ASAP1: variants seen among roughly 807,000 people sequenced by gnomAD.
The protein encoded by ASAP1 is ArfGAP with SH3 domain, ankyrin repeat and PH domain 1.
A neutral mutation model predicts 145.2 loss-of-function variants in ASAP1; 43 were observed. The ratio of observed to expected loss-of-function variants is 0.30; its 90% CI spans 0.23 to 0.38. The LOEUF (loss-of-function observed/expected upper bound fraction) is 0.38, where lower values mean the gene tolerates loss of function less well. Ranked by LOEUF, ASAP1 falls within the 10% of genes least tolerant of loss-of-function variation. The pLI, the probability that ASAP1 is intolerant of heterozygous loss-of-function variation, is 1.00. For missense variants in ASAP1, 1,018 were observed against 1,355.3 expected (o/e 0.75, Z 3.91); for synonymous variants, 546 against 515.5 (o/e 1.06, Z -0.80).
At chr8:130,272,182 A>C (rs1162927939) in intron 3 of ASAP1, among the ~76,000 whole-genome samples, 1 of 151,994 alleles carries the variant, frequency 6.6e-6, no homozygotes, top group Non-Finnish European at 1.5e-5. Flanking sequence ...AAAACAAAAA[A>C]TGGGCAAAGG....
chr8:130,428,937 T>C (rs1000234051), intron 1 of ASAP1, among the ~76,000 whole-genome samples: 1 of 152,198 alleles, frequency 6.6e-6, no homozygotes, highest in Non-Finnish European at 1.5e-5. Context: ...AATCAATATA[T>C]CAGCAGGGCC....
At chr8:130,263,946 A>C (rs1387996656) in intron 3 of ASAP1, among the ~76,000 whole-genome samples, 1 of 151,950 alleles carries the variant, frequency 6.6e-6, no homozygotes, top group Non-Finnish European at 1.5e-5. Flanking sequence ...TGACTCACAC[A>C]CATTCTTCTT....
chr8:130,092,495 T>C (rs1388699999), intron 24 of ASAP1, among the ~76,000 whole-genome samples: 1 of 152,044 alleles, frequency 6.6e-6, no homozygotes, highest in East Asian at 1.9e-4. Context: ...GGTGTGGTGG[T>C]GTGTGCTTGT....
intron 3 of ASAP1, among the ~76,000 whole-genome samples, chr8:130,268,974 G>A (rs1036575850): frequency 1.3e-5 from 2 of 152,126 alleles, no homozygotes; most frequent in African/African-American, 2.4e-5. Context: ...GGGTGGAGAA[G>A]GAACAGTCAA....
chr8:130,136,897 T>C (rs1390106183), intron 14 of ASAP1, 54 bp downstream of exon 14: 2 of 1,429,476 alleles, frequency 1.4e-6, no homozygotes, highest in Non-Finnish European at 2.0e-6. Context: ...AGAATGGAAA[T>C]GTGCAGGTGT....
Position 130,358,010 on chromosome 8 carries a change from G to T in ASAP1, c.186+7C>A. 2 of 1,602,812 alleles carry T rather than the reference G, an allele frequency of 1.2e-6. No homozygotes were observed. Among genetic ancestry groups the T allele is most frequent in the South Asian group, 2.2e-5 (2 of 90,074 alleles). ...GCGTGGACGGCGGGGGTCCCGGCCC[G>T]ACCTACCTCCTCCAGCAGCGTGACG... is the stretch of plus-strand genomic sequence containing the variant. On this transcript the variant is annotated splice_region_variant and intron_variant, in intron 3 of 29. Transcript: ENST00000518721. The surrounding 1 kb of genome is among the most constrained non-coding windows in gnomAD (Gnocchi z 4.1).
At chr8:130,182,815 A>G (rs973845617) in intron 7 of ASAP1, among the ~76,000 whole-genome samples, 1 of 147,844 alleles carries the variant, frequency 6.8e-6, no homozygotes, top group Non-Finnish European at 1.5e-5. Context: ...AACAAGAAAT[A>G]GAAACTATAA....
chr8:130,225,812 C>A (rs1476116904), intron 4 of ASAP1, among the ~76,000 whole-genome samples: 4 of 152,182 alleles, frequency 2.6e-5, no homozygotes. Flanking sequence ...CTGAGATACA[C>A]AGAAACTAAT....
intron 3 of ASAP1, among the ~76,000 whole-genome samples, chr8:130,305,077 G>A (rs1479057809): frequency 2.0e-5 from 3 of 151,950 alleles, no homozygotes; most frequent in South Asian, 2.1e-4. Context: ...TCGTGCTGTC[G>A]GACCCCCACA....
At chr8:130,269,540 TGCCAC>T (rs1306653252) in intron 3 of ASAP1, among the ~76,000 whole-genome samples, 1 of 152,202 alleles carries the variant, frequency 6.6e-6, no homozygotes, top group Non-Finnish European at 1.5e-5. Flanking sequence ...CAGTAATACA[TGCCAC>T]CTACCAAAGT....
At chr8:130,366,624 G>A (rs72724460) in intron 2 of ASAP1, among the ~76,000 whole-genome samples, 5 of 152,020 alleles carry the variant, frequency 3.3e-5, no homozygotes, top group African/African-American at 4.8e-5. Flanking sequence ...AAGAGTGTGC[G>A]ATCTGGATTC....
At chr8:130,182,515 C>T (rs1180447462) in intron 7 of ASAP1, among the ~76,000 whole-genome samples, 1 of 152,072 alleles carries the variant, frequency 6.6e-6, no homozygotes, top group African/African-American at 2.4e-5. Flanking sequence ...TTGGAAAACC[C>T]CTAATAAAAG....
At chr8:130,432,456 A>C (rs555870057) in intron 1 of ASAP1, among the ~76,000 whole-genome samples, 35 of 152,316 alleles carry the variant, frequency 2.3e-4, no homozygotes, top group Admixed American at 2.2e-3. Flanking sequence ...AGGGTGAATG[A>C]GGAAAGTGTA....
intron 3 of ASAP1, among the ~76,000 whole-genome samples, chr8:130,285,332 A>C (rs1250879189): frequency 4.6e-5 from 7 of 152,202 alleles, no homozygotes; most frequent in South Asian, 2.1e-4. Flanking sequence ...AGAAAAAAAA[A>C]CAAAAAACAA....
intron 2 of ASAP1, among the ~76,000 whole-genome samples, chr8:130,383,361 C>A (rs2138411762): frequency 6.6e-6 from 1 of 152,280 alleles, no homozygotes; most frequent in Admixed American, 6.5e-5. Context: ...TTAGAGTGGA[C>A]TACAAGCCAG....
intron 1 of ASAP1, among the ~76,000 whole-genome samples, chr8:130,404,064 G>T (rs939874782): frequency 3.3e-5 from 5 of 152,170 alleles, no homozygotes; most frequent in Non-Finnish European, 7.3e-5. Context: ...ATGTTTCAAC[G>T]TGAAGACTGA....
At chr8:130,283,979 G>T (rs2994295) in intron 3 of ASAP1, among the ~76,000 whole-genome samples, 134,481 of 152,168 alleles carry the variant, frequency 0.88, 59,532 homozygotes, top group East Asian at 0.96. Flanking sequence ...AGTGGGTATT[G>T]CACTGACTGT....
At chr8:130,081,699 G>C (rs2097480914) in intron 25 of ASAP1, among the ~76,000 whole-genome samples, 1 of 152,116 alleles carries the variant, frequency 6.6e-6, no homozygotes, top group African/African-American at 2.4e-5. Flanking sequence ...CATGAGACTG[G>C]CATCATAAGA....
intron 3 of ASAP1, among the ~76,000 whole-genome samples, chr8:130,253,961 C>T (rs1314156657): frequency 6.6e-6 from 1 of 152,024 alleles, no homozygotes; most frequent in African/African-American, 2.4e-5. Context: ...GTGGAGCTTT[C>T]GGTGAGCTGA....
Sources: gnomAD v4.1 joint callset for allele counts (sites outside exome capture counted in the v4.1 genomes callset) on GRCh38, gnomAD v4.1.1 for gene constraint, Gnocchi (gnomAD v3.1) non-coding constraint, MANE v1.5 for transcripts, NCBI Gene and HGNC (gene_info 2026-07-23, HGNC 2026-07-21) for gene names.